TRPC5: variants seen among roughly 807,000 people sequenced by gnomAD.
TRPC5 encodes short transient receptor potential channel 5.
TRPC5 carries 9 observed loss-of-function variants against 56.5 expected under a neutral mutation model. The ratio of observed to expected loss-of-function variants is 0.16; its 90% CI spans 0.10 to 0.28. TRPC5 has a LOEUF of 0.28. Ranked by LOEUF, TRPC5 falls within the 10% of genes least tolerant of loss-of-function variation. The pLI, the probability that TRPC5 is intolerant of heterozygous loss-of-function variation, is 1.00. For missense variants in TRPC5, 469 were observed against 748.9 expected (o/e 0.63, Z 4.36); for synonymous variants, 282 against 278.5 (o/e 1.01, Z -0.13).
At chrX:111,920,508 A>C (rs1432190895) in intron 2 of TRPC5, among the ~76,000 whole-genome samples, 1 of 110,987 alleles carries the variant, frequency 9.0e-6, no homozygotes, top group Non-Finnish European at 1.9e-5. Context: ...GATTGTTCTT[A>C]TATTTTAGGT....
At chrX:111,784,242 C>T (rs764972455) in intron 7 of TRPC5, among the ~76,000 whole-genome samples, 11 of 111,867 alleles carry the variant, frequency 9.8e-5, no homozygotes, top group Non-Finnish European at 1.9e-4. Context: ...GATAAAACAA[C>T]GATTTCTTAG....
intron 3 of TRPC5, among the ~76,000 whole-genome samples, chrX:111,856,040 G>GGAAAA (rs1923217455): frequency 2.7e-5 from 3 of 111,547 alleles, no homozygotes; most frequent in African/African-American, 9.8e-5. Flanking sequence ...GTGTGGGAGA[G>GGAAAA]GAAAAGAAAA....
At chrX:112,021,238 G>A (rs957527840) in intron 1 of TRPC5, among the ~76,000 whole-genome samples, 10 of 110,265 alleles carry the variant, frequency 9.1e-5, no homozygotes, top group African/African-American at 2.3e-4. Context: ...AACAGACTTC[G>A]TGGTCCACAA....
intron 7 of TRPC5, among the ~76,000 whole-genome samples, chrX:111,799,857 CTG>C (rs1267899750): frequency 8.9e-6 from 1 of 111,836 alleles, no homozygotes; most frequent in Non-Finnish European, 1.9e-5. Flanking sequence ...GAGGAATTAA[CTG>C]AAGATCACTT....
rs112436520 is a variant in TRPC5 at position 112,015,821 on chromosome X, T to G, written c.-21-63380A>C. 6.3e-3 allele frequency among the ~76,000 whole-genome samples: 704 copies of G among 111,643 alleles called. 5 individuals are homozygous for G. The highest frequency in any genetic ancestry group is 0.021 in the African/African-American group (659 of 30,721). On this transcript the variant is annotated intron_variant, in intron 1 of 10. Coordinates refer to ENST00000262839, the MANE Select transcript of TRPC5 (RefSeq NM_012471.3). ...ACTAAGCAAATGTTCTCCTGGGTAA[T>G]AGGAGGAGGCCAGTAGCTGAAGAAA...
rs1361753927 is a variant in TRPC5, at chrX:111,861,901, C to T, written c.901-7795G>A. The stretch of plus-strand genomic sequence containing the variant: ...ACCCAGCTCCTGGCTCCCACATGAA[C>T]ATTATTTATTTAGTACGCCAGATTT... On this transcript the variant is annotated intron_variant, in intron 3 of 10. Transcript: ENST00000262839. Among the ~76,000 whole-genome samples, 3 of 110,849 alleles carry T rather than the reference C, an allele frequency of 2.7e-5. No homozygotes were observed. The East Asian group carries it at 8.5e-4, about 31-fold the overall frequency.
At chrX:111,944,303 T>TGTGTGTGTGTGTGAGA (rs1173179815) in intron 2 of TRPC5, among the ~76,000 whole-genome samples, 5 of 61,385 alleles carry the variant, frequency 8.1e-5, no homozygotes, top group African/African-American at 4.2e-4. Flanking sequence ...TGTGTGTGTG[T>TGTGTGTGTGTGTGAGA]GAGAGAGAGA....
intron 1 of TRPC5, among the ~76,000 whole-genome samples, chrX:111,953,288 G>T (rs1927141906): frequency 8.9e-6 from 1 of 112,012 alleles, no homozygotes; most frequent in Non-Finnish European, 1.9e-5. Flanking sequence ...TGTTTTATTT[G>T]TATCATACCT....
At chrX:111,883,326 G>T (rs1924322048) in intron 3 of TRPC5, among the ~76,000 whole-genome samples, 1 of 112,183 alleles carries the variant, frequency 8.9e-6, no homozygotes, top group Non-Finnish European at 1.9e-5. Context: ...CCTATTCAGG[G>T]CCAATGCCTA....
intron 3 of TRPC5, among the ~76,000 whole-genome samples, chrX:111,880,972 A>C (rs963283320): frequency 3.6e-5 from 4 of 111,348 alleles, no homozygotes; most frequent in African/African-American, 9.8e-5. Context: ...ACAAATGCTC[A>C]AAGTTCAGCT....
At chrX:111,816,811 T>C (rs1466096102) in intron 7 of TRPC5, among the ~76,000 whole-genome samples, 1 of 111,353 alleles carries the variant, frequency 9.0e-6, no homozygotes, top group Non-Finnish European at 1.9e-5. Flanking sequence ...GGAAGGAAGG[T>C]GGGGCCTTAA....
At chrX:112,015,275 C>A (rs928105901) in intron 1 of TRPC5, among the ~76,000 whole-genome samples, 1 of 111,346 alleles carries the variant, frequency 9.0e-6, no homozygotes, top group Non-Finnish European at 1.9e-5. Context: ...ACTCTAGATT[C>A]GGTGGTCCTG....
At chrX:111,918,602 G>A (rs777853924) in intron 2 of TRPC5, among the ~76,000 whole-genome samples, 2 of 110,894 alleles carry the variant, frequency 1.8e-5, no homozygotes, top group African/African-American at 3.3e-5. Flanking sequence ...TTTGCCAGAC[G>A]TGAGAAGAAG....
In TRPC5 at chrX:111,975,387, G is replaced by A. The variant is rs188336516; in HGVS notation, c.-21-22946C>T. 7.9e-3 allele frequency among the ~76,000 whole-genome samples: 864 copies of A among 109,085 alleles called. 9 individuals carry two copies. Among genetic ancestry groups the A allele is most frequent in the African/African-American group, 0.027 (813 of 30,116 alleles). The allele number at this position is 109,085 out of a possible 115,157, so 94.7% of individuals were successfully genotyped here. A position where few individuals can be genotyped will look rare whatever the true frequency, so the allele number is the denominator to read the frequency against. ...ACAGCAATAGCAATAAACCCTGGAA[G>A]GAGGACTAATATGATTTCCATAGGT... On this transcript the variant is annotated intron_variant, in intron 1 of 10. Coordinates refer to ENST00000262839, the MANE Select transcript of TRPC5 (RefSeq NM_012471.3).
intron 7 of TRPC5, among the ~76,000 whole-genome samples, chrX:111,816,997 TATCTC>T (rs1383570106): frequency 2.7e-5 from 3 of 112,261 alleles, no homozygotes; most frequent in Non-Finnish European, 5.6e-5. Flanking sequence ...ATTCTTGTGA[TATCTC>T]AGGTGGTACT....
intron 3 of TRPC5, among the ~76,000 whole-genome samples, chrX:111,878,642 A>G (rs116178159): frequency 0.054 from 5,996 of 111,055 alleles, 403 homozygotes; most frequent in African/African-American, 0.19. Flanking sequence ...CCTCCCCTCA[A>G]TCGTGACAAC....
intron 1 of TRPC5, among the ~76,000 whole-genome samples, chrX:112,014,569 C>T (rs1002995784): frequency 9.8e-5 from 11 of 112,067 alleles, no homozygotes; most frequent in Non-Finnish European, 3.8e-5. Context: ...TGCTCAACAG[C>T]GATTGCTGCC....
chrX:111,929,265 C>T (rs1314031904), intron 2 of TRPC5, among the ~76,000 whole-genome samples: 7 of 112,141 alleles, frequency 6.2e-5, no homozygotes, highest in Non-Finnish European at 7.5e-5. Flanking sequence ...CATTCATATA[C>T]TTGAGACTCC....
intron 1 of TRPC5, among the ~76,000 whole-genome samples, chrX:112,025,439 T>A (rs1056934021): frequency 1.8e-5 from 2 of 112,070 alleles, no homozygotes; most frequent in African/African-American, 6.5e-5. Context: ...AGAATCAAAA[T>A]GTTTGGTGAG....
Sources: allele counts gnomAD v4.1 joint callset (sites outside exome capture counted in the v4.1 genomes callset), GRCh38; gene constraint gnomAD v4.1.1; transcripts MANE v1.5; gene names NCBI Gene and HGNC (gene_info 2026-07-23, HGNC 2026-07-21).